KCNIP4: variants seen among roughly 807,000 people sequenced by gnomAD.
KCNIP4 encodes the protein Kv channel-interacting protein 4.
KCNIP4 carries 12 observed loss-of-function variants against 34.0 expected under a neutral mutation model. The ratio of observed to expected loss-of-function variants is 0.35; its 90% CI spans 0.23 to 0.57. The LOEUF (loss-of-function observed/expected upper bound fraction) is 0.57. KCNIP4 is among the 20% of genes least tolerant of loss of function. The pLI is 0.83. For synonymous variants in KCNIP4, 124 were observed against 102.2 expected (o/e 1.21, Z -1.29); for missense variants, 238 against 311.7 (o/e 0.76, Z 1.78).
chr4:21,887,509 T>A (rs1244918365), intron 1 of KCNIP4, among the ~76,000 whole-genome samples: 2 of 152,094 alleles, frequency 1.3e-5, no homozygotes, highest in African/African-American at 4.8e-5. Context: ...GGAACACAAA[T>A]ATTTAGTCCA....
intron 3 of KCNIP4, among the ~76,000 whole-genome samples, chr4:20,775,176 T>C (rs1756267242): frequency 6.6e-6 from 1 of 152,194 alleles, no homozygotes; most frequent in Non-Finnish European, 1.5e-5. Context: ...TGATGAGCTA[T>C]TATGTTCTTT....
At chr4:21,905,948 C>T (rs536869455) in intron 1 of KCNIP4, among the ~76,000 whole-genome samples, 4 of 152,130 alleles carry the variant, frequency 2.6e-5, no homozygotes, top group Non-Finnish European at 4.4e-5. Context: ...ACTTGCCACA[C>T]GTAACACTTG....
chr4:21,068,887 C>T (rs1744649644), intron 1 of KCNIP4, among the ~76,000 whole-genome samples: 1 of 152,142 alleles, frequency 6.6e-6, no homozygotes, highest in Admixed American at 6.5e-5. Flanking sequence ...TGCATGCATG[C>T]ATGACCACAG....
chr4:21,330,651 C>G (rs74560611), intron 1 of KCNIP4, among the ~76,000 whole-genome samples: 1 of 152,036 alleles, frequency 6.6e-6, no homozygotes, highest in Non-Finnish European at 1.5e-5. Flanking sequence ...GAGCATTCCG[C>G]ATGAATGGTT....
intron 1 of KCNIP4, among the ~76,000 whole-genome samples, chr4:21,790,057 A>C (rs1315891287): frequency 1.3e-5 from 2 of 152,216 alleles, no homozygotes; most frequent in African/African-American, 2.4e-5. Flanking sequence ...TCAGCATGTC[A>C]TTTAACGGAA....
intron 1 of KCNIP4, among the ~76,000 whole-genome samples, chr4:21,030,501 G>A (rs927526581): frequency 6.6e-6 from 1 of 152,008 alleles, no homozygotes; most frequent in African/African-American, 2.4e-5. Context: ...TGCTCCCCAC[G>A]TCCATGGAAA....
chr4:21,184,554 A>G (rs947537979), intron 1 of KCNIP4, among the ~76,000 whole-genome samples: 1 of 152,120 alleles, frequency 6.6e-6, no homozygotes, highest in African/African-American at 2.4e-5. Flanking sequence ...GGTTGTTAGC[A>G]CAATTAGCTG....
chr4:21,237,325 T>G (rs937404831), intron 1 of KCNIP4, among the ~76,000 whole-genome samples: 2 of 152,062 alleles, frequency 1.3e-5, no homozygotes, highest in Non-Finnish European at 2.9e-5. Flanking sequence ...AACAAACACA[T>G]ATATAAACGA....
At chr4:21,533,847 AGTG>A (rs1560495033) in intron 1 of KCNIP4, among the ~76,000 whole-genome samples, 6 of 152,182 alleles carry the variant, frequency 3.9e-5, no homozygotes, top group African/African-American at 1.4e-4. Flanking sequence ...TAGTCAATCA[AGTG>A]CTGTGAATAG....
At chr4:21,524,734 C>T (rs961457783) in intron 1 of KCNIP4, among the ~76,000 whole-genome samples, 7 of 152,092 alleles carry the variant, frequency 4.6e-5, no homozygotes, top group African/African-American at 1.7e-4. Context: ...CTGTCTATCT[C>T]CATTATCAGA....
rs191326018 is a variant in KCNIP4 at position 21,704,231 on chromosome 4, A to G, written c.61+244340T>C. Among the ~76,000 whole-genome samples, 8 of 152,322 alleles carry G rather than the reference A, an allele frequency of 5.3e-5. No homozygotes were observed. The East Asian group carries it at 1.5e-3, about 29-fold the overall frequency. ...TGTAAAACTGTTAAAGTTTTAGAAA[A>G]AAAAAGAAGAAAATCTTCAGAATCT... On this transcript the variant is annotated intron_variant, in intron 1 of 8. Coordinates refer to ENST00000382152, the MANE Select transcript of KCNIP4 (RefSeq NM_025221.6).
At chr4:21,781,373 C>G (rs1383973852) in intron 1 of KCNIP4, among the ~76,000 whole-genome samples, 1 of 152,130 alleles carries the variant, frequency 6.6e-6, no homozygotes, top group East Asian at 1.9e-4. Context: ...TTATAAATTA[C>G]CCGGTCTCAG....
intron 1 of KCNIP4, among the ~76,000 whole-genome samples, chr4:21,289,954 T>A (rs1407218887): frequency 6.6e-6 from 1 of 152,050 alleles, no homozygotes; most frequent in Non-Finnish European, 1.5e-5. Flanking sequence ...AACACATCAA[T>A]GGAGTGAAAT....
intron 1 of KCNIP4, among the ~76,000 whole-genome samples, chr4:21,233,454 G>T (rs542859026): frequency 1.3e-5 from 2 of 152,156 alleles, no homozygotes; most frequent in East Asian, 3.9e-4. Context: ...TAGTTTGGGG[G>T]AGATTTCTGA....
chr4:20,990,115 T>C (rs1326382355), intron 1 of KCNIP4, among the ~76,000 whole-genome samples: 1 of 152,208 alleles, frequency 6.6e-6, no homozygotes, highest in Non-Finnish European at 1.5e-5. Flanking sequence ...ACAAGGTCAG[T>C]GTATGACCCT....
chr4:21,357,093 T>C (rs1045984824), intron 1 of KCNIP4, among the ~76,000 whole-genome samples: 1 of 152,186 alleles, frequency 6.6e-6, no homozygotes, highest in Non-Finnish European at 1.5e-5. Flanking sequence ...TAAATGGTGC[T>C]GGGAAAACTG....
chr4:20,767,100 T>TC (rs1277239169), intron 3 of KCNIP4: 3 of 152,184 alleles, frequency 2.0e-5, no homozygotes, highest in African/African-American at 7.2e-5. Flanking sequence ...TAAGCAGAAC[T>TC]CCATCACGCA....
intron 1 of KCNIP4, among the ~76,000 whole-genome samples, chr4:21,781,961 G>C (rs1259251230): frequency 6.6e-6 from 1 of 151,838 alleles, no homozygotes; most frequent in Non-Finnish European, 1.5e-5. Flanking sequence ...AGATACAAGA[G>C]ATACTATTGA....
At chr4:21,634,023 A>C (rs1745941649) in intron 1 of KCNIP4, among the ~76,000 whole-genome samples, 1 of 152,048 alleles carries the variant, frequency 6.6e-6, no homozygotes, top group Non-Finnish European at 1.5e-5. Context: ...TAGCAAAAGA[A>C]GATGAAAAGA....
Sources: allele counts gnomAD v4.1 joint callset (sites outside exome capture counted in the v4.1 genomes callset), GRCh38; gene constraint gnomAD v4.1.1; transcripts MANE v1.5; gene names NCBI Gene and HGNC (gene_info 2026-07-23, HGNC 2026-07-21).